Variants in BFSP2 observed in about 807,000 individuals in gnomAD.
The protein encoded by BFSP2 is phakinin.
In BFSP2, 38 loss-of-function variants were observed where a neutral mutation model predicts 44.9. That is an observed-to-expected ratio of 0.85 (90% CI 0.65 to 1.11). BFSP2 has a LOEUF of 1.11. Ranked by LOEUF, BFSP2 falls within the 50% of genes least tolerant of loss-of-function variation. BFSP2 has a pLI of 0.00. For missense variants in BFSP2, 525 were observed against 533.0 expected (o/e 0.99, Z 0.15); for synonymous variants, 197 against 209.9 (o/e 0.94, Z 0.53).
At chr3:133,411,419 A>G (rs1209057408) in intron 1 of BFSP2, among the ~76,000 whole-genome samples, 1 of 152,112 alleles carries the variant, frequency 6.6e-6, no homozygotes, top group Non-Finnish European at 1.5e-5. Flanking sequence ...ATAATAAAAC[A>G]ATGGCTCTAG....
intron 3 of BFSP2, among the ~76,000 whole-genome samples, chr3:133,449,658 A>G: frequency 6.6e-6 from 1 of 151,916 alleles, no homozygotes; most frequent in Non-Finnish European, 1.5e-5. Context: ...GCAGGGGATC[A>G]CTTGAGCCCA....
chr3:133,409,227 G>GGTGTGTGT (rs56156448), intron 1 of BFSP2, among the ~76,000 whole-genome samples: 11,212 of 148,528 alleles, frequency 0.075, 416 homozygotes, highest in African/African-American at 0.082. Flanking sequence ...TTCTGACACT[G>GGTGTGTGT]GTGTGTGTGT....
At position 133,424,317 on chromosome 3, in the gene BFSP2, C is replaced by G. The variant is rs576696164; in HGVS notation, c.490-23000C>G. 9.6e-4 allele frequency among the ~76,000 whole-genome samples: 146 copies of G among 151,480 alleles called. 1 individual carries two copies. Among genetic ancestry groups the G allele is most frequent in the Non-Finnish European group, 1.9e-3 (131 of 67,904 alleles). On this transcript the variant is annotated intron_variant, in intron 1 of 6. Coordinates refer to ENST00000302334, the MANE Select transcript of BFSP2 (RefSeq NM_003571.4). Reference sequence around the variant, plus strand: ...ACTCCTGACCTCGTGATCCACCCGCCTCGGCCTCCCGAAGTGCTGGGATTA... The same window carrying G: ...ACTCCTGACCTCGTGATCCACCCGCGTCGGCCTCCCGAAGTGCTGGGATTA...
chr3:133,461,015 G>A (rs1374037644), intron 4 of BFSP2, among the ~76,000 whole-genome samples: 1 of 152,168 alleles, frequency 6.6e-6, no homozygotes, highest in Non-Finnish European at 1.5e-5. Flanking sequence ...CAAAGACCAG[G>A]AAGTATCAAC....
intron 1 of BFSP2, chr3:133,429,629 C>T (rs994907847): frequency 1.3e-5 from 2 of 152,090 alleles, no homozygotes; most frequent in Non-Finnish European, 2.9e-5. Context: ...AACTTACTTT[C>T]TTCACTTATT....
intron 1 of BFSP2, among the ~76,000 whole-genome samples, chr3:133,429,901 CCCA>C (rs2073693189): frequency 6.6e-6 from 1 of 151,426 alleles, no homozygotes; most frequent in Admixed American, 6.6e-5. Flanking sequence ...GCTATCCCTC[CCCA>C]CTACCCCCAC....
chr3:133,437,531 AAAAC>A (rs765240630), intron 1 of BFSP2, among the ~76,000 whole-genome samples: 1 of 152,102 alleles, frequency 6.6e-6, no homozygotes, highest in Non-Finnish European at 1.5e-5. Context: ...CTCAAAAAAC[AAAAC>A]AAACAAACAA....
In BFSP2 at chr3:133,402,662, A is replaced by G. The variant is rs1031937500; in HGVS notation, c.489+2090A>G. Among the ~76,000 whole-genome samples, 7 of 145,572 alleles carry G rather than the reference A, an allele frequency of 4.8e-5. 1 individual carries two copies. Among genetic ancestry groups the G allele is most frequent in the Non-Finnish European group, 1.5e-5 (1 of 66,934 alleles). On this transcript the variant is annotated intron_variant, in intron 1 of 6. Coordinates refer to ENST00000302334, the MANE Select transcript of BFSP2 (RefSeq NM_003571.4). ...TTATTTCTTTTTTTTTTTTTTTGAGATGGAGTCTCATTCTGTCACCCAGGC... is the reference window on the plus strand; with the variant it reads ...TTATTTCTTTTTTTTTTTTTTTGAGGTGGAGTCTCATTCTGTCACCCAGGC...
At chr3:133,459,273 G>A (rs2074040898) in intron 4 of BFSP2, among the ~76,000 whole-genome samples, 1 of 152,182 alleles carries the variant, frequency 6.6e-6, no homozygotes, top group African/African-American at 2.4e-5. Flanking sequence ...GAACTCAGGA[G>A]GTCGAGGCTG....
chr3:133,408,174 A>G (rs2107878111), intron 1 of BFSP2, among the ~76,000 whole-genome samples: 1 of 152,320 alleles, frequency 6.6e-6, no homozygotes, highest in Middle Eastern at 3.4e-3. Flanking sequence ...TTTGAGGTTA[A>G]AAAAAGCCGA....
intron 1 of BFSP2, among the ~76,000 whole-genome samples, chr3:133,425,545 C>A (rs1284162560): frequency 6.6e-6 from 1 of 152,172 alleles, no homozygotes; most frequent in East Asian, 1.9e-4. Flanking sequence ...AAACATCACA[C>A]TCGTTTTAAG....
intron 1 of BFSP2, among the ~76,000 whole-genome samples, chr3:133,432,454 C>T (rs2073732667): frequency 6.6e-6 from 1 of 152,202 alleles, no homozygotes; most frequent in South Asian, 2.1e-4. Flanking sequence ...CCATCAGTCC[C>T]AGCAGCTTAC....
At chr3:133,441,877 T>A (rs961529762) in intron 1 of BFSP2, among the ~76,000 whole-genome samples, 4 of 152,142 alleles carry the variant, frequency 2.6e-5, no homozygotes, top group Non-Finnish European at 5.9e-5. Flanking sequence ...GAAGCACTGC[T>A]CGCAGTAAGG....
intron 4 of BFSP2, among the ~76,000 whole-genome samples, chr3:133,456,462 G>T (rs1192871080): frequency 6.6e-6 from 1 of 152,176 alleles, no homozygotes; most frequent in South Asian, 2.1e-4. Context: ...GCCTCAAGGG[G>T]TTATACAGGT....
chr3:133,472,362 C>T lies in BFSP2; in HGVS notation c.1041C>T (p.Asn347=). 6.2e-7 allele frequency: 1 copy of T among 1,613,094 alleles called. No individual in the cohort carries two copies. The highest frequency in any genetic ancestry group is 1.3e-5 in the African/African-American group (1 of 75,076). The change falls in exon 6 of 7, where the codon AAC becomes AAT. Residue 347 remains asparagine, a synonymous_variant. Coordinates refer to ENST00000302334, the MANE Select transcript of BFSP2 (RefSeq NM_003571.4). ...SLRALKRGLE[N]TLHDAKHWHD... is the part of the protein sequence containing the mutation. ...TTTTGTAGAAACGAGGCCTGGAGAA[C>T]ACCTTGCACGATGCCAAGCACTGGC...
At chr3:133,414,736 GCCATT>G (rs2073495518) in intron 1 of BFSP2, among the ~76,000 whole-genome samples, 2 of 70,370 alleles carry the variant, frequency 2.8e-5, no homozygotes, top group Non-Finnish European at 2.8e-5. Context: ...ACTTACCCCT[GCCATT>G]TCCCCTCTAC....
chr3:133,433,417 T>C (rs952725305), intron 1 of BFSP2, among the ~76,000 whole-genome samples: 1 of 152,230 alleles, frequency 6.6e-6, no homozygotes, highest in African/African-American at 2.4e-5. Flanking sequence ...GTGTTCCATC[T>C]GCTGTTCTAC....
At chr3:133,464,293 G>C (rs1316626494) in intron 4 of BFSP2, among the ~76,000 whole-genome samples, 3 of 152,114 alleles carry the variant, frequency 2.0e-5, no homozygotes, top group Non-Finnish European at 4.4e-5. Context: ...TACTAGTTGA[G>C]AGCACATCTC....
intron 1 of BFSP2, among the ~76,000 whole-genome samples, chr3:133,429,879 A>G (rs1173946618): frequency 2.0e-5 from 3 of 151,620 alleles, no homozygotes; most frequent in Non-Finnish European, 4.4e-5. Context: ...AGCATTAGGT[A>G]TATCTCCTAA....
Sources: gnomAD v4.1 joint callset for allele counts (sites outside exome capture counted in the v4.1 genomes callset) on GRCh38, gnomAD v4.1.1 for gene constraint, MANE v1.5 for transcripts, NCBI Gene and HGNC (gene_info 2026-07-23, HGNC 2026-07-21) for gene names.